DNAH10: variants seen among roughly 807,000 people sequenced by gnomAD.
DNAH10 encodes the protein dynein axonemal heavy chain 10, also known as axonemal beta dynein heavy chain 10.
Under a neutral mutation model 506.6 loss-of-function variants are expected in DNAH10, and 348 were observed. The observed-to-expected ratio is 0.69, with a 90% CI of 0.63 to 0.75. DNAH10 has a LOEUF of 0.75. Ranked by LOEUF, DNAH10 falls within the 30% of genes least tolerant of loss-of-function variation. The probability of loss-of-function intolerance (pLI) is 0.00; values close to 1 mark genes in which losing one functional copy is unlikely to be tolerated. For missense variants in DNAH10, 5,179 were observed against 5,787.1 expected, an observed-to-expected ratio of 0.89 and a Z score of 3.41; for synonymous variants, 2,059 against 2,198.6, an observed-to-expected ratio of 0.94 and a Z score of 1.78.
At chr12:123,914,076 T>C (rs1954352136) in intron 60 of DNAH10, among the ~76,000 whole-genome samples, 1 of 152,250 alleles carries the variant, frequency 6.6e-6, no homozygotes, top group African/African-American at 2.4e-5. Context: ...GCAATGTGAT[T>C]ACTGCTTAAT....
chr12:123,841,637 C>A, intron 30 of DNAH10, 92 bp downstream of exon 30: 1 of 1,271,908 alleles, frequency 7.9e-7, no homozygotes, highest in Non-Finnish European at 1.1e-6. Context: ...GGCTGACATT[C>A]CAAATGAGGT....
rs540076189 is a variant in DNAH10 at position 123,886,480 on chromosome 12, CGTGTGTGTGCACACGTGTGT to C, written c.8824-652_8824-633del. ...ATCCTGGTTGCGTTGCGCGCGCGCG[CGTGTGTGTGCACACGTGTGT>C]GTGTGTGTGTGAGCATGTGTTCTAG... On this transcript the variant is annotated intron_variant, in intron 51 of 78. Coordinates refer to ENST00000673944, the MANE Select transcript of DNAH10 (RefSeq NM_001372106.1). Among the ~76,000 whole-genome samples, 76 of 151,744 alleles carry C rather than the reference CGTGTGTGTGCACACGTGTGT, an allele frequency of 5.0e-4. No homozygotes were observed. The South Asian group carries it at 0.015, about 30-fold the overall frequency.
intron 39 of DNAH10, 31 bp downstream of exon 39, chr12:123,861,201 G>C (rs907231549): frequency 1.9e-6 from 3 of 1,608,246 alleles, no homozygotes; most frequent in East Asian, 2.2e-5. Context: ...GAAAGAGCCT[G>C]GGTTAGTTAA....
rs185378119 is a variant in DNAH10, at chr12:123,916,259, G to A, written c.10723-198G>A. On this transcript the variant is annotated intron_variant, in intron 62 of 78. Transcript: ENST00000673944. This position sits in a 1 kb window ranked among gnomAD's most constrained non-coding sequence, Gnocchi z 4.6. ...ATCCCCTTCCTTTCCTCTCTACCCT[G>A]TTTGAGCAAGATCCTGCCCTGAGCC... Among the ~76,000 whole-genome samples, 2 of 152,276 alleles carry A rather than the reference G, an allele frequency of 1.3e-5. No individual in the cohort carries two copies. Among genetic ancestry groups the A allele is most frequent in the Admixed American group, 1.3e-4 (2 of 15,302 alleles).
At chr12:123,782,890 A>G (rs1321446322) in intron 6 of DNAH10, among the ~76,000 whole-genome samples, 1 of 152,222 alleles carries the variant, frequency 6.6e-6, no homozygotes. Context: ...TAACTAAATC[A>G]TTTTGATCAA....
intron 52 of DNAH10, among the ~76,000 whole-genome samples, chr12:123,892,516 C>G (rs1953031105): frequency 6.6e-6 from 1 of 152,198 alleles, no homozygotes; most frequent in Non-Finnish European, 1.5e-5. Context: ...GGTGCGGACG[C>G]AGATCCAAAC....
At position 123,833,102 on chromosome 12, in the gene DNAH10, A is replaced by C. The variant is rs755655034; in HGVS notation, c.4546-12A>C. On this transcript the variant is annotated splice_polypyrimidine_tract_variant and intron_variant, in intron 26 of 78. Transcript: ENST00000673944. ...CGTGTGCCTGAATCATTCTTTTTCT[A>C]TTCCTGAACAGGCTGTGAAGGAAAT... is the stretch of plus-strand genomic sequence containing the variant. The C allele has an allele frequency of 6.3e-7, 1 of 1,588,770 alleles. No homozygotes were observed. The highest frequency in any genetic ancestry group is 1.8e-5 in the Admixed American group (1 of 57,014).
intron 2 of DNAH10, among the ~76,000 whole-genome samples, chr12:123,769,557 G>A (rs531605503): frequency 6.6e-6 from 1 of 152,286 alleles, no homozygotes; most frequent in South Asian, 2.1e-4. Flanking sequence ...AGGCACTCTC[G>A]GCTTCGGAGC....
At chr12:123,813,979 A>G in intron 21 of DNAH10, 67 bp downstream of exon 21, 2 of 1,436,136 alleles carry the variant, frequency 1.4e-6, no homozygotes, top group Non-Finnish European at 1.9e-6. Context: ...CTTTTCAGAA[A>G]TGCTTCTCAA....
intron 18 of DNAH10, among the ~76,000 whole-genome samples, chr12:123,808,471 T>C (rs1018011080): frequency 6.6e-6 from 1 of 152,186 alleles, no homozygotes; most frequent in Non-Finnish European, 1.5e-5. Context: ...CTGGAAAGGA[T>C]GGAGCCAGTA....
chr12:123,821,026 C>G (rs2706268), intron 24 of DNAH10, among the ~76,000 whole-genome samples: 105,655 of 152,038 alleles, frequency 0.69, 38,028 homozygotes, highest in East Asian at 0.99. Flanking sequence ...AAGGCGGGTG[C>G]ATCACCTGCG....
chr12:123,863,808 G>T (rs909572811), intron 39 of DNAH10, among the ~76,000 whole-genome samples: 1 of 152,132 alleles, frequency 6.6e-6, no homozygotes, highest in African/African-American at 2.4e-5. Context: ...TGGGGGGTGG[G>T]TACCATTCGA....
At position 123,928,978 on chromosome 12, in the gene DNAH10, GTCTC is replaced by G. The variant is rs35228838; in HGVS notation, c.12307-283_12307-280del. The G allele has an allele frequency of 7.1e-4, 328 of 464,802 alleles. No individual in the cohort carries two copies. Among genetic ancestry groups the G allele is most frequent in the South Asian group, 1.4e-3 (42 of 30,112 alleles). 28.8% of individuals were successfully genotyped at this position (464,802 alleles called of 1,614,324 possible). ...TTTTGGAAAGGTTTTGTCATTCTCT[GTCTC>G]TCTCTCTCTCTCTGGGGAGGTGGAG... On this transcript the variant is annotated intron_variant, in intron 70 of 78. Transcript: ENST00000673944. The surrounding 1 kb of genome is among the most constrained non-coding windows in gnomAD (Gnocchi z 4.9).
At position 123,830,635 on chromosome 12, in the gene DNAH10, A is replaced by G; in HGVS notation, c.4481A>G (p.His1494Arg). 6.8e-6 allele frequency: 11 copies of G among 1,613,982 alleles called. No individual in the cohort carries two copies. Among genetic ancestry groups the G allele is most frequent in the Admixed American group, 1.7e-5 (1 of 60,024 alleles). Residue 1494 changes from histidine (H) to arginine (R), a missense_variant, in exon 26 of 79, where the codon CAC (histidine) becomes CGC (arginine). By Grantham distance (29) the His-to-Arg change is conservative (BLOSUM62 0). Transcript: ENST00000673944. ...TLENMFAMELHKHTDVLNEIV... is the reference protein window; with the variant it reads ...TLENMFAMELRKHTDVLNEIV... ...GAAAATATGTTTGCTATGGAACTGC[A>G]CAAACACACAGATGTTCTCAATGAG...
At chr12:123,924,207 A>T (rs910378472) in intron 66 of DNAH10, 71 bp from the exon 67 acceptor site, 100 of 1,493,228 alleles carry the variant, frequency 6.7e-5, no homozygotes, top group Non-Finnish European at 8.9e-5. Flanking sequence ...AAAGTGGGAG[A>T]AGTCGAAGCA....
chr12:123,763,915 G>T (rs1049022693), intron 1 of DNAH10, among the ~76,000 whole-genome samples: 6 of 150,100 alleles, frequency 4.0e-5, no homozygotes, highest in Admixed American at 2.7e-4. Flanking sequence ...GCCAAGGCTG[G>T]AGTGCAGTGG....
At position 123,808,907 on chromosome 12, in the gene DNAH10, A is replaced by G; in HGVS notation, c.3098A>G (p.Asp1033Gly). The G allele has an allele frequency of 6.2e-7, 1 of 1,614,174 alleles. No individual in the cohort carries two copies. Among genetic ancestry groups the G allele is most frequent in the Non-Finnish European group, 8.5e-7 (1 of 1,180,032 alleles). ...IILHPNTNEIDKMCFHCVRNC... is the reference protein window; with the variant it reads ...IILHPNTNEIGKMCFHCVRNC... ...CTTCATCCCAACACAAATGAGATCG[A>G]CAAGATGTGCTTCCATTGTGTCCGG... The change falls in exon 19 of 79, where the codon GAC becomes GGC. Residue 1033 changes from aspartate (D) to glycine (G), a missense_variant. By Grantham distance (94) the Asp-to-Gly change is moderately conservative. Around this residue, in one of 3 missense-constraint regions of DNAH10, gnomAD observed 4,844 missense variants for 5,430.5 expected, o/e 0.89. Coordinates refer to ENST00000673944, the MANE Select transcript of DNAH10 (RefSeq NM_001372106.1).
At chr12:123,879,185 CTGTCTGAA>C in intron 48 of DNAH10, 71 bp from the exon 49 acceptor site, 1 of 1,224,374 alleles carries the variant, frequency 8.2e-7, no homozygotes, top group Non-Finnish European at 1.2e-6. Context: ...GTGTGTCTGT[CTGTCTGAA>C]TGTCACAGCC....
intron 18 of DNAH10, among the ~76,000 whole-genome samples, chr12:123,807,997 AGAC>A (rs1958774113): frequency 6.6e-5 from 1 of 15,132 alleles, no homozygotes; most frequent in African/African-American, 2.2e-4. Flanking sequence ...AGGGAGAGAG[AGAC>A]GGGAGGAGGG....
Sources: allele counts gnomAD v4.1 joint callset (sites outside exome capture counted in the v4.1 genomes callset), GRCh38; gene constraint gnomAD v4.1.1; regional missense constraint gnomAD v4.1.1; non-coding constraint Gnocchi (gnomAD v3.1); transcripts MANE v1.5; gene names NCBI Gene and HGNC (gene_info 2026-07-23, HGNC 2026-07-21).